The following PRKG1 variants were observed in gnomAD, a reference collection of about 807,000 sequenced individuals.
PRKG1 encodes protein kinase cGMP-dependent 1, also known as cGMP-dependent protein kinase 1.
PRKG1 carries 35 observed loss-of-function variants against 88.1 expected under a neutral mutation model. The ratio of observed to expected loss-of-function variants is 0.40; its 90% confidence interval spans 0.30 to 0.53. PRKG1 has a LOEUF of 0.53. PRKG1 is among the 20% of genes least tolerant of loss of function. The probability of loss-of-function intolerance (pLI) is 0.59; values close to 1 mark genes in which losing one functional copy is unlikely to be tolerated. For synonymous variants in PRKG1, 303 were observed against 292.5 expected, an observed-to-expected ratio of 1.04 and a Z score of -0.37; for missense variants, 540 against 839.8, an observed-to-expected ratio of 0.64 and a Z score of 4.41.
intron 3 of PRKG1, among the ~76,000 whole-genome samples, chr10:51,534,933 A>G (rs1842109289): frequency 6.6e-6 from 1 of 152,136 alleles, no homozygotes; most frequent in African/African-American, 2.4e-5. Flanking sequence ...ATCTCTGTAA[A>G]TCAATATCAT....
chr10:52,102,373 A>G (rs1847314730), intron 7 of PRKG1, among the ~76,000 whole-genome samples: 1 of 152,134 alleles, frequency 6.6e-6, no homozygotes, highest in Non-Finnish European at 1.5e-5. Context: ...AGAATTGACA[A>G]TGCTCTGAAA....
intron 2 of PRKG1, among the ~76,000 whole-genome samples, chr10:51,356,572 C>T (rs1444051530): frequency 1.3e-5 from 2 of 151,958 alleles, no homozygotes; most frequent in African/African-American, 4.8e-5. Flanking sequence ...GTCTCCCTCC[C>T]CTACTCTTTT....
chr10:51,279,635 CCTT>C (rs961939517), intron 2 of PRKG1, among the ~76,000 whole-genome samples: 4 of 152,132 alleles, frequency 2.6e-5, no homozygotes, highest in African/African-American at 9.7e-5. Context: ...TATGTAATGG[CCTT>C]CTTTGTCTCT....
intron 12 of PRKG1, among the ~76,000 whole-genome samples, chr10:52,273,008 A>G (rs1299266143): frequency 2.6e-5 from 4 of 152,014 alleles, no homozygotes; most frequent in African/African-American, 9.7e-5. Flanking sequence ...AGTCTTAGGA[A>G]AAAGAAAAGA....
At chr10:51,951,530 T>C (rs1451327822) in intron 5 of PRKG1, among the ~76,000 whole-genome samples, 1 of 152,216 alleles carries the variant, frequency 6.6e-6, no homozygotes, top group African/African-American at 2.4e-5. Flanking sequence ...TTATAACACA[T>C]GTATTTATAA....
chr10:51,047,231 G>C (rs1843501618), intron 1 of PRKG1, among the ~76,000 whole-genome samples: 1 of 152,144 alleles, frequency 6.6e-6, no homozygotes, highest in Non-Finnish European at 1.5e-5. Context: ...GAGCATAATG[G>C]TTAAAGAGCT....
At chr10:51,084,893 T>C (rs1316120914) in intron 1 of PRKG1, among the ~76,000 whole-genome samples, 1 of 152,218 alleles carries the variant, frequency 6.6e-6, no homozygotes, top group Non-Finnish European at 1.5e-5. Context: ...AATTGTATTA[T>C]GGTAATATCA....
chr10:51,669,130 T>C (rs909300547), intron 3 of PRKG1, among the ~76,000 whole-genome samples: 1 of 152,224 alleles, frequency 6.6e-6, no homozygotes, highest in African/African-American at 2.4e-5. Flanking sequence ...TATTATCTTA[T>C]TGTGTATTCA....
At chr10:51,113,931 G>A (rs978548490) in intron 1 of PRKG1, among the ~76,000 whole-genome samples, 7 of 147,934 alleles carry the variant, frequency 4.7e-5, no homozygotes, top group African/African-American at 7.6e-5. Context: ...TTCAGAAAAA[G>A]TCAGCCTGTA....
At chr10:51,505,541 G>T (rs2132049828) in intron 3 of PRKG1, among the ~76,000 whole-genome samples, 1 of 152,248 alleles carries the variant, frequency 6.6e-6, no homozygotes, top group South Asian at 2.1e-4. Context: ...GTTTCAGAAG[G>T]AATGGTACCA....
At position 51,923,059 on chromosome 10, in the gene PRKG1, A is replaced by G. The variant is rs369456621; in HGVS notation, c.762+15489A>G. Among the ~76,000 whole-genome samples the G allele has an allele frequency of 2.0e-4, 30 of 152,146 alleles. No individual in the cohort carries two copies. In the East Asian group the frequency reaches 2.5e-3, roughly 13 times the overall value. On this transcript the variant is annotated intron_variant, in intron 5 of 17. Coordinates refer to ENST00000373980, the MANE Select transcript of PRKG1 (RefSeq NM_006258.4). ...TTGTAGTTTTATCAGTTTTTGCCTC[A>G]TGTATTTTGGTGCTCTGTCGTTAGG...
At chr10:51,822,935 A>G (rs550794705) in intron 4 of PRKG1, among the ~76,000 whole-genome samples, 1 of 152,244 alleles carries the variant, frequency 6.6e-6, no homozygotes, top group East Asian at 1.9e-4. Context: ...ATGGAGATTC[A>G]TGGGCATTCC....
intron 3 of PRKG1, chr10:51,699,347 T>A (rs1841400517): frequency 6.2e-7 from 1 of 1,614,028 alleles, no homozygotes. Context: ...AAGCGCGGTC[T>A]CCTGGTCTTG....
At chr10:51,475,788 G>A (rs1840174943) in intron 3 of PRKG1, among the ~76,000 whole-genome samples, 1 of 151,948 alleles carries the variant, frequency 6.6e-6, no homozygotes, top group South Asian at 2.1e-4. Context: ...GAGCCATGTT[G>A]TTAACAAAAA....
At chr10:51,773,857 G>A (rs1838367684) in intron 3 of PRKG1, among the ~76,000 whole-genome samples, 1 of 152,034 alleles carries the variant, frequency 6.6e-6, no homozygotes. Context: ...TGCAGAGCTA[G>A]ATCTGATTCA....
chr10:51,546,299 G>A (rs1009583096), intron 3 of PRKG1, among the ~76,000 whole-genome samples: 1 of 151,922 alleles, frequency 6.6e-6, no homozygotes, highest in Admixed American at 6.6e-5. Context: ...TTTTCTGAGT[G>A]ACTAAGTAGT....
chr10:51,579,668 A>C (rs989665806), intron 3 of PRKG1, among the ~76,000 whole-genome samples: 1 of 152,168 alleles, frequency 6.6e-6, no homozygotes, highest in Non-Finnish European at 1.5e-5. Context: ...TGATCTATTA[A>C]CTATATGAGG....
intron 2 of PRKG1, among the ~76,000 whole-genome samples, chr10:51,363,080 A>C (rs1049364903): frequency 6.6e-6 from 1 of 152,048 alleles, no homozygotes; most frequent in South Asian, 2.1e-4. Context: ...GATTCAAAAG[A>C]TGCTACATGA....
intron 1 of PRKG1, among the ~76,000 whole-genome samples, chr10:51,080,432 G>A (rs929974442): frequency 3.1e-5 from 4 of 129,860 alleles, no homozygotes. Context: ...AAGGCATATG[G>A]ACACATTTTT....
Sources: allele counts gnomAD v4.1 joint callset (sites outside exome capture counted in the v4.1 genomes callset), GRCh38; gene constraint gnomAD v4.1.1; transcripts MANE v1.5; gene names NCBI Gene and HGNC (gene_info 2026-07-23, HGNC 2026-07-21).